FAM161A: variants seen among roughly 807,000 people sequenced by gnomAD.
The protein encoded by FAM161A is protein FAM161A.
A neutral mutation model predicts 70.9 loss-of-function variants in FAM161A; 57 were observed. That is an observed-to-expected ratio of 0.80 (90% CI 0.65 to 1.00). The LOEUF (loss-of-function observed/expected upper bound fraction) is 1.00, where lower values mean the gene tolerates loss of function less well. Ranked by LOEUF, FAM161A falls within the 50% of genes least tolerant of loss-of-function variation. The pLI is 0.00. For missense variants in FAM161A, 880 were observed against 836.0 expected (o/e 1.05, Z -0.65); for synonymous variants, 299 against 295.7 (o/e 1.01, Z -0.12).
chr2:61,822,832 C>T (rs911919935), downstream of FAM161A, among the ~76,000 whole-genome samples: 55 of 151,772 alleles, frequency 3.6e-4, no homozygotes, highest in South Asian at 4.2e-4. Flanking sequence ...TCAGGTGATC[C>T]GCCTGCCTCA....
At chr2:61,806,348 T>A in the FAM161A span, among the ~76,000 whole-genome samples, 1 of 152,208 alleles carries the variant, frequency 6.6e-6, no homozygotes, top group East Asian at 1.9e-4. Context: ...TATTTTTTAG[T>A]CCCAGGTTAA....
the FAM161A span, among the ~76,000 whole-genome samples, chr2:61,802,804 A>G: frequency 6.6e-6 from 1 of 152,146 alleles, no homozygotes; most frequent in Non-Finnish European, 1.5e-5. Flanking sequence ...AGATGGTCGT[A>G]AGAGGTAGCA....
At chr2:61,842,516 G>A (rs908827559) in intron 1 of FAM161A, among the ~76,000 whole-genome samples, 156 bp from the exon 2 acceptor site, 5 of 152,130 alleles carry the variant, frequency 3.3e-5, no homozygotes, top group Non-Finnish European at 7.4e-5. Context: ...GTTATTTGTG[G>A]GCTATGTACA....
chr2:61,804,768 G>GAAAAAGAAAGAAAGAAAGAAAGAAAGAA, the FAM161A span, among the ~76,000 whole-genome samples: 5 of 119,038 alleles, frequency 4.2e-5, no homozygotes, highest in South Asian at 1.6e-3. Context: ...GAAAAAGAAA[G>GAAAAAGAAAGAAAGAAAGAAAGAAAGAA]AGAAAGAAAG....
the FAM161A span, among the ~76,000 whole-genome samples, chr2:61,804,712 A>G: frequency 4.0e-5 from 6 of 149,846 alleles, no homozygotes; most frequent in Admixed American, 4.0e-4. Context: ...GAGAGAGAGA[A>G]AGAGAAAGAA....
chr2:61,801,558 G>GT, the FAM161A span, among the ~76,000 whole-genome samples: 1 of 141,524 alleles, frequency 7.1e-6, no homozygotes, highest in Non-Finnish European at 1.5e-5. Flanking sequence ...AATGTTTTTT[G>GT]GTTTTTTTGG....
the FAM161A span, among the ~76,000 whole-genome samples, chr2:61,814,543 C>T: frequency 3.3e-5 from 5 of 152,044 alleles, no homozygotes; most frequent in African/African-American, 7.2e-5. Context: ...GACAAAACTC[C>T]GTCTCTACAA....
the FAM161A span, among the ~76,000 whole-genome samples, chr2:61,805,667 T>C: frequency 6.6e-6 from 1 of 152,186 alleles, no homozygotes; most frequent in East Asian, 1.9e-4. Flanking sequence ...TGTTTGGCTT[T>C]ACCGAGCCAG....
At chr2:61,841,689 T>A (rs1474094190) in intron 2 of FAM161A, among the ~76,000 whole-genome samples, 3 of 152,220 alleles carry the variant, frequency 2.0e-5, no homozygotes, top group Non-Finnish European at 4.4e-5. Flanking sequence ...GCAGGTGAGT[T>A]CACAGCAGAA....
intron 4 of FAM161A, 130 bp from the exon 5 acceptor site, chr2:61,836,239 C>T: frequency 1.3e-6 from 1 of 743,402 alleles, no homozygotes; most frequent in Non-Finnish European, 2.3e-6. Context: ...GCTTAGCTGA[C>T]AAATCAGAAA....
At chr2:61,835,981 G>C in intron 5 of FAM161A, 29 bp downstream of exon 5, 4 of 1,306,634 alleles carry the variant, frequency 3.1e-6, no homozygotes, top group Admixed American at 2.0e-5. Context: ...AAAAACTGAC[G>C]ATAGCTCTTA....
At chr2:61,823,387 T>A (rs563897920), downstream of FAM161A, among the ~76,000 whole-genome samples, 68 of 110,854 alleles carry the variant, frequency 6.1e-4, no homozygotes, top group African/African-American at 1.8e-3. Flanking sequence ...ATATATATAT[T>A]GAGTCAGGGT....
the FAM161A span, among the ~76,000 whole-genome samples, chr2:61,817,534 A>C: frequency 3.9e-5 from 6 of 152,258 alleles, no homozygotes; most frequent in African/African-American, 1.2e-4. Flanking sequence ...ATATGTGAAT[A>C]CTGGATCCTG....
At chr2:61,814,530 C>G in the FAM161A span, among the ~76,000 whole-genome samples, 2 of 152,108 alleles carry the variant, frequency 1.3e-5, no homozygotes, top group Non-Finnish European at 2.9e-5. Context: ...GCTAGGGCAA[C>G]GTGACAAAAC....
At chr2:61,809,149 A>C in the FAM161A span, among the ~76,000 whole-genome samples, 1 of 152,170 alleles carries the variant, frequency 6.6e-6, no homozygotes. Context: ...CTGGGATTAC[A>C]GGCATGAGCC....
At chr2:61,820,769 A>C (rs1450684991), downstream of FAM161A, among the ~76,000 whole-genome samples, 1 of 152,254 alleles carries the variant, frequency 6.6e-6, no homozygotes, top group Non-Finnish European at 1.5e-5. Context: ...GAGAGTGGGA[A>C]TATAGAAGAA....
chr2:61,839,372 A>T (rs1672908077), intron 3 of FAM161A, 49 bp downstream of exon 3: 5 of 1,561,880 alleles, frequency 3.2e-6, no homozygotes, highest in Non-Finnish European at 4.4e-6. Flanking sequence ...AGCTGCATAC[A>T]CTCATCTGGC....
downstream of FAM161A, chr2:61,824,768 C>A (rs1276426968): frequency 3.3e-6 from 1 of 305,486 alleles, no homozygotes; most frequent in Non-Finnish European, 6.3e-6. Flanking sequence ...GTTTCACAGG[C>A]TCCCAATGAG....
Position 61,825,186 on chromosome 2 carries a change from T to G in FAM161A, c.*1269A>C. 2 of 436,998 alleles carry G rather than the reference T, an allele frequency of 4.6e-6. No individual in the cohort carries two copies. Among genetic ancestry groups the G allele is most frequent in the Non-Finnish European group, 9.0e-6 (2 of 222,720 alleles). 27.1% of individuals were successfully genotyped at this position (436,998 alleles called of 1,614,324 possible). A position where few individuals can be genotyped will look rare whatever the true frequency, so the allele number is the denominator to read the frequency against. ...AATGTCTTATGCTATATTATCTTTA[T>G]GATTGGCTTCAAATTTTAAAACAAA... is the stretch of plus-strand genomic sequence containing the variant. On this transcript the variant is annotated 3_prime_UTR_variant, in exon 7 of 7. Coordinates refer to ENST00000404929, the MANE Select transcript of FAM161A (RefSeq NM_001201543.2).
Sources: allele counts gnomAD v4.1 joint callset (sites outside exome capture counted in the v4.1 genomes callset), GRCh38; gene constraint gnomAD v4.1.1; transcripts MANE v1.5; gene names NCBI Gene and HGNC (gene_info 2026-07-23, HGNC 2026-07-21).